The following DMD variants were observed in gnomAD, a reference collection of about 807,000 sequenced individuals.
DMD encodes the protein mutant dystrophin.
DMD carries 63 observed loss-of-function variants against 330.1 expected under a neutral mutation model. The ratio of observed to expected loss-of-function variants is 0.19; its 90% confidence interval spans 0.16 to 0.24. DMD has a LOEUF of 0.24. Among genes scored for constraint, DMD ranks in the 10% least tolerant of loss-of-function variants. DMD has a pLI of 1.00. For missense variants in DMD, 3,344 were observed against 2,684.1 expected, an observed-to-expected ratio of 1.25 and a Z score of -5.43; for synonymous variants, 1,223 against 959.8, an observed-to-expected ratio of 1.27 and a Z score of -5.07.
chrX:33,022,902 G>A (rs2093939752), intron 1 of DMD, among the ~76,000 whole-genome samples: 1 of 111,695 alleles, frequency 9.0e-6, no homozygotes, highest in African/African-American at 3.2e-5. Flanking sequence ...ACAACTCAAG[G>A]AGGTTCCATG....
intron 7 of DMD, among the ~76,000 whole-genome samples, chrX:32,714,072 G>A (rs897872939): frequency 9.0e-6 from 1 of 111,463 alleles, no homozygotes; most frequent in Non-Finnish European, 1.9e-5. Flanking sequence ...CTCAAAGTAC[G>A]GTTTCTACTG....
chrX:31,134,110 C>T lies in DMD; in HGVS notation c.11006G>A (p.Ser3669Asn). Residue 3669 changes from serine (S) to asparagine (N), a missense_variant, in exon 77 of 79, where the codon AGT (serine) becomes AAT (asparagine). Transcript: ENST00000357033. ...TAGGTATTGGAGCTTACCTCTTGAACTAGGGAAGGAGTTGTTGAGTTGCTC... is the reference window on the plus strand; with the variant it reads ...TAGGTATTGGAGCTTACCTCTTGAATTAGGGAAGGAGTTGTTGAGTTGCTC... Reference protein sequence around the residue: ...VMEQLNNSFPSSRGRNTPGKP... With the variant: ...VMEQLNNSFPNSRGRNTPGKP... The T allele has an allele frequency of 8.3e-7, 1 of 1,210,548 alleles. No homozygotes were observed. The highest frequency in any genetic ancestry group is 1.1e-6 in the Non-Finnish European group (1 of 894,506).
At chrX:31,222,184 A>C (rs2046133533) in intron 64 of DMD, among the ~76,000 whole-genome samples, 1 of 88,769 alleles carries the variant, frequency 1.1e-5, no homozygotes. Flanking sequence ...TGACAGAGCG[A>C]GACTCTGTCT....
intron 60 of DMD, among the ~76,000 whole-genome samples, chrX:31,384,571 A>G (rs886196728): frequency 1.8e-5 from 2 of 111,814 alleles, no homozygotes; most frequent in African/African-American, 6.5e-5. Flanking sequence ...AAACAAGTCT[A>G]AATTGTGCCC....
intron 47 of DMD, among the ~76,000 whole-genome samples, chrX:31,918,275 C>T (rs950896598): frequency 8.9e-6 from 1 of 112,105 alleles, no homozygotes; most frequent in African/African-American, 3.2e-5. Flanking sequence ...TAATGCATCA[C>T]TGTTGGACAA....
chrX:31,223,945 A>C (rs1354039999), intron 63 of DMD, among the ~76,000 whole-genome samples: 1 of 112,513 alleles, frequency 8.9e-6, no homozygotes, highest in African/African-American at 3.2e-5. Context: ...TGTTCAGCAC[A>C]GAATAACAAC....
At chrX:32,424,320 T>C (rs768464644) in intron 29 of DMD, among the ~76,000 whole-genome samples, 5 of 111,234 alleles carry the variant, frequency 4.5e-5, no homozygotes, top group Non-Finnish European at 9.4e-5. Context: ...ATTCAAAGTA[T>C]GGAAAGATGT....
At chrX:31,503,522 A>G (rs1234661380) in intron 56 of DMD, among the ~76,000 whole-genome samples, 1 of 112,302 alleles carries the variant, frequency 8.9e-6, no homozygotes, top group Non-Finnish European at 1.9e-5. Context: ...TTGTATTCAT[A>G]TAAGTTAGCT....
At chrX:32,948,335 C>T (rs1170865708) in intron 2 of DMD, among the ~76,000 whole-genome samples, 1 of 111,741 alleles carries the variant, frequency 8.9e-6, no homozygotes, top group East Asian at 2.8e-4. Flanking sequence ...CATGTAAGCT[C>T]ACCAGATTCT....
rs563237365 is a variant in DMD at position 32,907,954 on chromosome X, A to T, written c.94-58134T>A. Among the ~76,000 whole-genome samples the T allele has an allele frequency of 1.1e-3, 126 of 110,438 alleles. 1 individual carries two copies. The highest frequency in any genetic ancestry group is 1.5e-3 in the South Asian group (4 of 2,597). On this transcript the variant is annotated intron_variant, in intron 2 of 78. Transcript: ENST00000357033. ...ACACAAAATCAGGTGCCCACAGCTC[A>T]CAAATCTACACATGACACATCTCTT...
intron 44 of DMD, among the ~76,000 whole-genome samples, chrX:32,204,650 G>A (rs1041461313): frequency 9.1e-6 from 1 of 110,348 alleles, no homozygotes; most frequent in Non-Finnish European, 1.9e-5. Flanking sequence ...CCTGAAACTG[G>A]GTGCTTTAAA....
chrX:33,211,231 A>C, intron 1 of DMD, 51 bp downstream of exon 1: 1 of 1,187,095 alleles, frequency 8.4e-7, no homozygotes, highest in Non-Finnish European at 1.1e-6. Flanking sequence ...GCTTGTCACA[A>C]ACTAAACGTT....
At chrX:32,735,629 G>T (rs1415016154) in intron 7 of DMD, among the ~76,000 whole-genome samples, 1 of 111,183 alleles carries the variant, frequency 9.0e-6, no homozygotes, top group Admixed American at 9.6e-5. Context: ...ACCACTATCT[G>T]ATCTTTGACA....
chrX:33,058,732 T>C (rs1217817524), intron 1 of DMD, among the ~76,000 whole-genome samples: 1 of 111,678 alleles, frequency 9.0e-6, no homozygotes, highest in Non-Finnish European at 1.9e-5. Context: ...GAGCTCCAGC[T>C]GAGGCACCAA....
chrX:32,735,021 G>A (rs1009203998), intron 7 of DMD, among the ~76,000 whole-genome samples: 3 of 111,071 alleles, frequency 2.7e-5, no homozygotes, highest in African/African-American at 9.9e-5. Flanking sequence ...AAACCCCACT[G>A]TCTCAGCCTA....
At chrX:32,523,021 G>T (rs1227376498) in intron 17 of DMD, among the ~76,000 whole-genome samples, 1 of 111,693 alleles carries the variant, frequency 9.0e-6, no homozygotes, top group East Asian at 2.8e-4. Context: ...CTACTTAGAG[G>T]TCCCTGAAAC....
intron 9 of DMD, among the ~76,000 whole-genome samples, chrX:32,690,980 A>G (rs747751826): frequency 3.6e-5 from 4 of 111,512 alleles, no homozygotes; most frequent in Non-Finnish European, 7.5e-5. Flanking sequence ...TAGAATTAAG[A>G]CTACATAAAA....
chrX:31,973,817 G>A (rs1440830962), intron 44 of DMD, among the ~76,000 whole-genome samples: 2 of 111,752 alleles, frequency 1.8e-5, no homozygotes, highest in African/African-American at 6.5e-5. Context: ...GGACTTTACA[G>A]CTGAATATTA....
At position 32,371,187 on chromosome X, in the gene DMD, T is replaced by C. The variant is rs192758598; in HGVS notation, c.4846-5988A>G. 8.0e-5 allele frequency among the ~76,000 whole-genome samples: 9 copies of C among 112,012 alleles called. No individual in the cohort carries two copies. The East Asian group carries it at 2.2e-3, about 28-fold the overall frequency. On this transcript the variant is annotated intron_variant, in intron 34 of 78. Transcript: ENST00000357033. ...CAAAGGATAATTGAGCAACCAATGT[T>C]TGTTCTTCCTGAGGTTAAATATTAT...
Sources: gnomAD v4.1 joint callset for allele counts (sites outside exome capture counted in the v4.1 genomes callset) on GRCh38, gnomAD v4.1.1 for gene constraint, MANE v1.5 for transcripts, NCBI Gene and HGNC (gene_info 2026-07-23, HGNC 2026-07-21) for gene names.